FANCC: variants seen among roughly 807,000 people sequenced by gnomAD.
The protein encoded by FANCC is FA complementation group C, also known as Fanconi anemia group C protein.
In FANCC, 55 loss-of-function variants were observed where a neutral mutation model predicts 71.3. The observed-to-expected ratio is 0.77, with a 90% CI of 0.62 to 0.97. The LOEUF (loss-of-function observed/expected upper bound fraction) is 0.97. Ranked by LOEUF, FANCC falls within the 50% of genes least tolerant of loss-of-function variation. The probability of loss-of-function intolerance (pLI) is 0.00; values close to 1 mark genes in which losing one functional copy is unlikely to be tolerated. For missense variants in FANCC, 678 were observed against 670.9 expected (o/e 1.01, Z -0.12); for synonymous variants, 275 against 244.9 (o/e 1.12, Z -1.15).
chr9:95,239,199 C>T (rs1006798515), intron 4 of FANCC, among the ~76,000 whole-genome samples: 1 of 152,200 alleles, frequency 6.6e-6, no homozygotes, highest in African/African-American at 2.4e-5. Context: ...TCCCCCTCTA[C>T]GTCAGCGTCA....
chr9:95,261,848 G>T (rs761419715), intron 1 of FANCC, among the ~76,000 whole-genome samples: 1 of 152,192 alleles, frequency 6.6e-6, no homozygotes, highest in Non-Finnish European at 1.5e-5. Flanking sequence ...GCTTGATCCT[G>T]TCCCTGTTTC....
intron 1 of FANCC, among the ~76,000 whole-genome samples, chr9:95,309,768 G>A (rs539832595): frequency 6.6e-6 from 1 of 152,250 alleles, no homozygotes; most frequent in Non-Finnish European, 1.5e-5. Context: ...TGTTATGTGG[G>A]ACACACATGT....
At position 95,172,074 on chromosome 9, in the gene FANCC, T is replaced by G. The variant is rs1280085485; in HGVS notation, c.419A>C (p.Tyr140Ser). Residue 140 changes from tyrosine (Y) to serine (S), a missense_variant, in exon 5 of 15, where the codon TAT (tyrosine) becomes TCT (serine). Coordinates refer to ENST00000289081, the MANE Select transcript of FANCC (RefSeq NM_000136.3). ...ACCAGGATAGTAATCTATAGGTGCA[T>G]ACCCAAGACCTTGAGTGAAAAGAGC... ...EVALFTQGLG[Y>S]APIDYYPGLL... The G allele has an allele frequency of 6.2e-7, 1 of 1,612,772 alleles. No individual in the cohort carries two copies. Among genetic ancestry groups the G allele is most frequent in the East Asian group, 2.2e-5 (1 of 44,806 alleles).
chr9:95,207,563 C>T (rs551568139), intron 4 of FANCC, among the ~76,000 whole-genome samples: 78 of 152,272 alleles, frequency 5.1e-4, no homozygotes, highest in African/African-American at 1.8e-3. Flanking sequence ...ACTGTGCTGG[C>T]CTCCAGGAGA....
At chr9:95,259,753 G>C (rs1453790484) in intron 1 of FANCC, among the ~76,000 whole-genome samples, 1 of 152,120 alleles carries the variant, frequency 6.6e-6, no homozygotes, top group South Asian at 2.1e-4. Context: ...GAGTGAACGG[G>C]CAACCTACAG....
chr9:95,213,188 T>C (rs1828616713), intron 4 of FANCC, among the ~76,000 whole-genome samples: 1 of 152,168 alleles, frequency 6.6e-6, no homozygotes, highest in African/African-American at 2.4e-5. Context: ...ATGTTGCTAA[T>C]GGGAAATATG....
In FANCC at chr9:95,280,149, TA is replaced by T. The variant is rs367715465; in HGVS notation, c.-78-30781del. 1.4e-3 allele frequency among the ~76,000 whole-genome samples: 207 copies of T among 151,694 alleles called. 2 individuals are homozygous for T. The highest frequency in any genetic ancestry group is 4.7e-3 in the African/African-American group (194 of 41,360). On this transcript the variant is annotated intron_variant, in intron 1 of 14. Transcript: ENST00000289081. The stretch of plus-strand genomic sequence containing the variant: ...AACTTAATTGTGGCTATACTGATAT[TA>T]AAAAAAACAAATTTTAAAACAAAAA...
In FANCC at chr9:95,150,055, C is replaced by T. The variant is rs370346767; in HGVS notation, c.554G>A (p.Arg185Gln). The T allele has an allele frequency of 7.7e-5, 125 of 1,613,894 alleles. No homozygotes were observed. Among genetic ancestry groups the T allele is most frequent in the Non-Finnish European group, 9.9e-5 (117 of 1,180,004 alleles). ...MAPERVASLS[R>Q]VCVPLITLTD... ...CAGGGTAATAAGTGGGACACAAACT[C>T]GTGACAGGGACGCCACTCGCTCGGG... The change falls in exon 7 of 15, where the codon CGA becomes CAA. Residue 185 changes from arginine to glutamine, a missense_variant. Physicochemically the swap from Arg to Gln is conservative, Grantham distance 43. Coordinates refer to ENST00000289081, the MANE Select transcript of FANCC (RefSeq NM_000136.3).
intron 8 of FANCC, among the ~76,000 whole-genome samples, chr9:95,132,159 G>A (rs756113812): frequency 1.3e-5 from 2 of 152,154 alleles, no homozygotes; most frequent in Non-Finnish European, 2.9e-5. Context: ...AGCTGCGGGC[G>A]GGCTCTGCCA....
intron 1 of FANCC, among the ~76,000 whole-genome samples, chr9:95,257,989 G>C (rs1831778618): frequency 6.6e-6 from 1 of 152,124 alleles, no homozygotes; most frequent in African/African-American, 2.4e-5. Flanking sequence ...GACTAAACCA[G>C]GAAGAAGTTG....
chr9:95,272,199 A>G (rs969002744), intron 1 of FANCC, among the ~76,000 whole-genome samples: 5 of 151,476 alleles, frequency 3.3e-5, no homozygotes, highest in African/African-American at 1.2e-4. Context: ...TGGCCTCCCA[A>G]AGTTCTGGGA....
intron 6 of FANCC, among the ~76,000 whole-genome samples, chr9:95,158,645 G>A (rs1830574880): frequency 6.6e-6 from 1 of 152,170 alleles, no homozygotes; most frequent in Admixed American, 6.5e-5. Flanking sequence ...TCACCATAAA[G>A]TATTCAGATT....
At chr9:95,253,314 T>C (rs184753414) in intron 1 of FANCC, among the ~76,000 whole-genome samples, 2 of 152,296 alleles carry the variant, frequency 1.3e-5, no homozygotes, top group African/African-American at 2.4e-5. Flanking sequence ...ATCACACCTG[T>C]TGGGCATATC....
intron 4 of FANCC, among the ~76,000 whole-genome samples, chr9:95,220,360 A>C (rs1056174560): frequency 6.6e-6 from 1 of 152,242 alleles, no homozygotes; most frequent in Admixed American, 6.5e-5. Flanking sequence ...TAGCCATCCC[A>C]TTACTGGGTA....
chr9:95,149,227 T>G (rs1296821404), intron 7 of FANCC, among the ~76,000 whole-genome samples: 2 of 152,124 alleles, frequency 1.3e-5, no homozygotes, highest in South Asian at 4.1e-4. Context: ...GTTTAACAGA[T>G]TTTTAAAACT....
chr9:95,305,500 C>T (rs1408766959), intron 1 of FANCC, among the ~76,000 whole-genome samples: 3 of 152,164 alleles, frequency 2.0e-5, no homozygotes, highest in Non-Finnish European at 4.4e-5. Flanking sequence ...GAATAAAATT[C>T]CTTCCCTAAA....
At chr9:95,173,413 C>T (rs1417600543) in intron 4 of FANCC, among the ~76,000 whole-genome samples, 1 of 151,980 alleles carries the variant, frequency 6.6e-6, no homozygotes, top group Non-Finnish European at 1.5e-5. Flanking sequence ...TTATAGAAAG[C>T]AACTTGAAAA....
chr9:95,260,091 T>C (rs541390602), intron 1 of FANCC, among the ~76,000 whole-genome samples: 1 of 152,234 alleles, frequency 6.6e-6, no homozygotes, highest in Non-Finnish European at 1.5e-5. Context: ...ACCCTGTTGG[T>C]GGGAGTGTAA....
chr9:95,286,221 T>C (rs1588418077), intron 1 of FANCC, among the ~76,000 whole-genome samples: 1 of 152,346 alleles, frequency 6.6e-6, no homozygotes, highest in East Asian at 1.9e-4. Flanking sequence ...TTTTCATTAA[T>C]TTATAAATTT....
Sources: allele counts gnomAD v4.1 joint callset (sites outside exome capture counted in the v4.1 genomes callset), GRCh38; gene constraint gnomAD v4.1.1; transcripts MANE v1.5; gene names NCBI Gene and HGNC (gene_info 2026-07-23, HGNC 2026-07-21).